NEDD4L: variants seen among roughly 807,000 people sequenced by gnomAD.
The protein encoded by NEDD4L is NEDD4 like E3 ubiquitin protein ligase.
NEDD4L carries 54 observed loss-of-function variants against 148.9 expected under a neutral mutation model. The ratio of observed to expected loss-of-function variants is 0.36; its 90% CI spans 0.29 to 0.45. The LOEUF is 0.45. NEDD4L is among the 20% of genes least tolerant of loss of function. NEDD4L has a pLI of 1.00. For synonymous variants in NEDD4L, 433 were observed against 440.7 expected, an observed-to-expected ratio of 0.98 and a Z score of 0.22; for missense variants, 856 against 1,233.8, an observed-to-expected ratio of 0.69 and a Z score of 4.59.
chr18:58,392,789 T>C (rs2050005476), intron 30 of NEDD4L, among the ~76,000 whole-genome samples: 2 of 152,200 alleles, frequency 1.3e-5, no homozygotes, highest in Non-Finnish European at 1.5e-5. Flanking sequence ...GCACCAGCGT[T>C]GAGCCAAGCC....
chr18:58,371,611 TTGGGTAGA>T (rs1482976357), intron 23 of NEDD4L: 2 of 152,618 alleles, frequency 1.3e-5, no homozygotes, highest in Non-Finnish European at 2.9e-5. Context: ...TTGGGCACGG[TTGGGTAGA>T]TGAGCTGTGT....
intron 2 of NEDD4L, among the ~76,000 whole-genome samples, chr18:58,185,899 T>C: frequency 6.6e-6 from 1 of 151,324 alleles, no homozygotes; most frequent in South Asian, 2.1e-4. Context: ...AAATTAAAAT[T>C]AAAAAGTAAA....
At chr18:58,088,765 A>G (rs780209894) in intron 1 of NEDD4L, among the ~76,000 whole-genome samples, 4 of 152,272 alleles carry the variant, frequency 2.6e-5, no homozygotes, top group Middle Eastern at 3.4e-3. Flanking sequence ...TGCCCTGGCT[A>G]TGAGGAAGCT....
intron 22 of NEDD4L, 41 bp downstream of exon 22, chr18:58,367,908 G>C: frequency 3.1e-6 from 5 of 1,609,774 alleles, no homozygotes; most frequent in Admixed American, 1.7e-5. Flanking sequence ...TGCTGCTTGC[G>C]GTTTGCTAGT....
intron 1 of NEDD4L, among the ~76,000 whole-genome samples, chr18:58,105,362 A>G (rs1325733123): frequency 1.3e-5 from 2 of 152,100 alleles, no homozygotes; most frequent in Non-Finnish European, 2.9e-5. Flanking sequence ...CTTGCATGAC[A>G]GTTGGGTTAG....
intron 18 of NEDD4L, among the ~76,000 whole-genome samples, chr18:58,354,987 C>T (rs913370486): frequency 4.6e-5 from 7 of 152,200 alleles, no homozygotes; most frequent in African/African-American, 1.7e-4. Context: ...TTGCTCCAAA[C>T]AGCTAGTGTG....
At chr18:58,213,981 T>C (rs897892120) in intron 2 of NEDD4L, among the ~76,000 whole-genome samples, 1 of 152,212 alleles carries the variant, frequency 6.6e-6, no homozygotes, top group African/African-American at 2.4e-5. Flanking sequence ...TGAAGCAATA[T>C]GTAGGGCCCG....
At chr18:58,348,189 G>C (rs2043344759) in intron 16 of NEDD4L, among the ~76,000 whole-genome samples, 2 of 152,038 alleles carry the variant, frequency 1.3e-5, no homozygotes, top group African/African-American at 4.8e-5. Context: ...GCAGAGATAT[G>C]GTTTTGCTTT....
At chr18:58,158,538 T>C (rs2035792067) in intron 1 of NEDD4L, among the ~76,000 whole-genome samples, 1 of 152,230 alleles carries the variant, frequency 6.6e-6, no homozygotes, top group Non-Finnish European at 1.5e-5. Flanking sequence ...TTAACCCTTT[T>C]TCTACTTGGC....
In NEDD4L at chr18:58,254,337, G is replaced by C. The variant is rs117723770; in HGVS notation, c.297+2283G>C. Among the ~76,000 whole-genome samples the C allele has an allele frequency of 3.9e-5, 6 of 152,114 alleles. No homozygotes were observed. In the East Asian group the frequency reaches 1.2e-3, roughly 29 times the overall value. On this transcript the variant is annotated intron_variant, in intron 5 of 30. Transcript: ENST00000400345. ...TGATGTTTCTGGATCATAGAAAATA[G>C]TAAGTTTAAAATACAGAATATTTCC...
rs1188917324 is a variant in NEDD4L, at chr18:58,271,522, A to G, written c.297+19468A>G. Among the ~76,000 whole-genome samples the G allele has an allele frequency of 2.6e-5, 4 of 152,348 alleles. No individual in the cohort carries two copies. The East Asian group carries it at 7.7e-4, about 29-fold the overall frequency. On this transcript the variant is annotated intron_variant, in intron 5 of 30. Transcript: ENST00000400345. ...TTTCTGGTTTTTATTAAACCCAAACAGTTGTTATAATTTAAAAGTTACCCT... is the reference window on the plus strand; with the variant it reads ...TTTCTGGTTTTTATTAAACCCAAACGGTTGTTATAATTTAAAAGTTACCCT...
intron 5 of NEDD4L, among the ~76,000 whole-genome samples, chr18:58,278,756 G>A (rs2052548897): frequency 6.6e-6 from 1 of 152,152 alleles, no homozygotes; most frequent in Non-Finnish European, 1.5e-5. Flanking sequence ...ATGTTTGCAT[G>A]TCTGTCTTCT....
In NEDD4L at chr18:58,362,124, C is replaced by A. The variant is rs189553198; in HGVS notation, c.1768-2144C>A. Reference sequence around the variant, plus strand: ...GCTTGAAATATCTCAACATTTCCGCCCACACCTCCTCAGCCCCTGCCAGGA... The same window carrying A: ...GCTTGAAATATCTCAACATTTCCGCACACACCTCCTCAGCCCCTGCCAGGA... On this transcript the variant is annotated intron_variant, in intron 19 of 30. Coordinates refer to ENST00000400345, the MANE Select transcript of NEDD4L (RefSeq NM_001144967.3). Among the ~76,000 whole-genome samples the A allele has an allele frequency of 3.9e-5, 6 of 152,316 alleles. No individual in the cohort carries two copies. The East Asian group carries it at 9.6e-4, about 24-fold the overall frequency.
intron 22 of NEDD4L, among the ~76,000 whole-genome samples, chr18:58,369,040 T>G (rs2046472207): frequency 6.6e-6 from 1 of 152,168 alleles, no homozygotes; most frequent in African/African-American, 2.4e-5. Context: ...CTTAGTCAGC[T>G]TATATTTTAG....
At chr18:58,104,270 A>G (rs1000918244) in intron 1 of NEDD4L, among the ~76,000 whole-genome samples, 6 of 152,230 alleles carry the variant, frequency 3.9e-5, no homozygotes, top group African/African-American at 1.2e-4. Context: ...CTGTAGAGAA[A>G]GAACACAGAT....
At chr18:58,393,774 A>G (rs1222985908) in intron 30 of NEDD4L, among the ~76,000 whole-genome samples, 6 of 152,202 alleles carry the variant, frequency 3.9e-5, no homozygotes, top group East Asian at 1.9e-4. Flanking sequence ...TCCACGTTTT[A>G]TGATACACAA....
intron 18 of NEDD4L, 67 bp downstream of exon 18, chr18:58,351,112 T>C: frequency 6.5e-6 from 10 of 1,546,732 alleles, no homozygotes; most frequent in Non-Finnish European, 8.7e-6. Context: ...TCAAACATCA[T>C]AGTGAAAGCT....
At chr18:58,389,682 A>G (rs2049540451) in intron 28 of NEDD4L, among the ~76,000 whole-genome samples, 2 of 152,044 alleles carry the variant, frequency 1.3e-5, no homozygotes, top group South Asian at 4.2e-4. Flanking sequence ...TATCCTGTTC[A>G]GCTTAGGAGG....
chr18:58,093,888 T>C (rs2084220431), intron 1 of NEDD4L, among the ~76,000 whole-genome samples: 1 of 151,420 alleles, frequency 6.6e-6, no homozygotes. Context: ...TCTTGAAAAA[T>C]TGCTGCATGC....
Sources: allele counts gnomAD v4.1 joint callset (sites outside exome capture counted in the v4.1 genomes callset), GRCh38; gene constraint gnomAD v4.1.1; transcripts MANE v1.5; gene names NCBI Gene and HGNC (gene_info 2026-07-23, HGNC 2026-07-21).